LRP1B: variants seen among roughly 807,000 people sequenced by gnomAD.
LRP1B encodes the protein low-density lipoprotein receptor-related protein 1B.
Under a neutral mutation model 556.6 loss-of-function variants are expected in LRP1B, and 217 were observed. The observed-to-expected ratio is 0.39, with a 90% CI of 0.35 to 0.44. The LOEUF is 0.44. LRP1B is among the 20% of genes least tolerant of loss of function. The probability of loss-of-function intolerance (pLI) is 1.00; values close to 1 mark genes in which losing one functional copy is unlikely to be tolerated. For synonymous variants in LRP1B, 2,047 were observed against 1,865.8 expected (o/e 1.10, Z -2.50); for missense variants, 5,053 against 5,620.8 (o/e 0.90, Z 3.23).
chr2:141,495,459 G>C (rs1574012471), intron 2 of LRP1B, among the ~76,000 whole-genome samples: 1 of 152,216 alleles, frequency 6.6e-6, no homozygotes, highest in East Asian at 1.9e-4. Context: ...CTGGGCAACA[G>C]ACATGACCCA....
chr2:140,528,084 C>T (rs1477648672), intron 47 of LRP1B, among the ~76,000 whole-genome samples: 2 of 151,798 alleles, frequency 1.3e-5, no homozygotes, highest in Admixed American at 1.3e-4. Context: ...TCCAATCTCC[C>T]ATAGAGAATT....
Position 141,938,138 on chromosome 2 carries a change from G to A in LRP1B, c.83-127737C>T, listed in dbSNP as rs190517033. 3.8e-4 allele frequency among the ~76,000 whole-genome samples: 57 copies of A among 151,940 alleles called. No homozygotes were observed. The East Asian group carries it at 8.9e-3, about 24-fold the overall frequency. On this transcript the variant is annotated intron_variant, in intron 1 of 90. Transcript: ENST00000389484. ...AAATCAGAAAAATCTTCTGCCTACC[G>A]AAGGAAACAATCAAGAAAATAAAAA...
chr2:140,244,945 T>C (rs893460580), intron 87 of LRP1B, among the ~76,000 whole-genome samples: 2 of 151,304 alleles, frequency 1.3e-5, no homozygotes, highest in Non-Finnish European at 3.0e-5. Context: ...ATAAAAGTAA[T>C]CCTCTTTCAT....
intron 79 of LRP1B, among the ~76,000 whole-genome samples, chr2:140,332,831 TGCTACA>T (rs1266325671): frequency 2.0e-5 from 3 of 152,066 alleles, no homozygotes; most frequent in Admixed American, 2.0e-4. Context: ...CTAAGTACCG[TGCTACA>T]GGTAATTCCA....
At chr2:140,295,052 A>G (rs547785086) in intron 84 of LRP1B, among the ~76,000 whole-genome samples, 1 of 151,574 alleles carries the variant, frequency 6.6e-6, no homozygotes, top group South Asian at 2.1e-4. Context: ...AGTTTTTTGT[A>G]TTTTTAGTAG....
chr2:141,715,866 A>C (rs896895377), intron 2 of LRP1B, among the ~76,000 whole-genome samples: 2 of 152,124 alleles, frequency 1.3e-5, no homozygotes, highest in African/African-American at 4.8e-5. Flanking sequence ...TGCAGAAACA[A>C]ACAAAAACCT....
intron 35 of LRP1B, among the ~76,000 whole-genome samples, chr2:140,762,303 C>A (rs1243101345): frequency 6.6e-6 from 1 of 152,082 alleles, no homozygotes; most frequent in Admixed American, 6.6e-5. Context: ...CATCTCAAAG[C>A]AACCAAGTCT....
chr2:141,226,185 A>G (rs1318799855), intron 6 of LRP1B, among the ~76,000 whole-genome samples: 1 of 152,118 alleles, frequency 6.6e-6, no homozygotes, highest in African/African-American at 2.4e-5. Flanking sequence ...TATTCAATAA[A>G]GTTAAAATAT....
chr2:140,508,677 C>T (rs914448379), intron 52 of LRP1B, among the ~76,000 whole-genome samples: 4 of 152,088 alleles, frequency 2.6e-5, no homozygotes, highest in African/African-American at 7.2e-5. Context: ...ACACCAATTC[C>T]GATACATGGA....
intron 11 of LRP1B, among the ~76,000 whole-genome samples, chr2:141,032,217 C>G (rs184391250): frequency 1.3e-5 from 2 of 152,020 alleles, no homozygotes; most frequent in African/African-American, 4.8e-5. Flanking sequence ...TATAGCTCTA[C>G]CTCATTCATT....
intron 2 of LRP1B, among the ~76,000 whole-genome samples, chr2:141,571,501 C>CA (rs59191699): frequency 0.11 from 17,031 of 151,788 alleles, 1,494 homozygotes; most frequent in African/African-American, 0.23. Flanking sequence ...GCTGAAAACT[C>CA]AAAAAGCTAG....
intron 43 of LRP1B, among the ~76,000 whole-genome samples, chr2:140,579,166 C>T (rs758783336): frequency 1.3e-5 from 2 of 152,050 alleles, no homozygotes; most frequent in Non-Finnish European, 2.9e-5. Flanking sequence ...AACAAAATTT[C>T]CTTGGATTTC....
chr2:140,656,380 T>A (rs1447648013), intron 41 of LRP1B, among the ~76,000 whole-genome samples: 2 of 152,202 alleles, frequency 1.3e-5, no homozygotes, highest in African/African-American at 2.4e-5. Context: ...CAAAAAATCA[T>A]TGAGAAAATC....
chr2:141,081,039 C>G (rs548266458), intron 7 of LRP1B, among the ~76,000 whole-genome samples: 8 of 152,094 alleles, frequency 5.3e-5, no homozygotes, highest in Non-Finnish European at 1.2e-4. Flanking sequence ...TGCCATGTTT[C>G]CCAGGCCAGT....
chr2:140,549,517 T>A (rs537714090), intron 43 of LRP1B, among the ~76,000 whole-genome samples: 10 of 152,152 alleles, frequency 6.6e-5, no homozygotes, highest in Non-Finnish European at 1.3e-4. Context: ...AACTTTCTCA[T>A]TGTATCACTG....
At chr2:140,401,284 C>T (rs983007551) in intron 66 of LRP1B, among the ~76,000 whole-genome samples, 2 of 152,130 alleles carry the variant, frequency 1.3e-5, no homozygotes, top group African/African-American at 2.4e-5. Flanking sequence ...AGTTTGGGTT[C>T]TCAGTGCAGG....
intron 18 of LRP1B, among the ~76,000 whole-genome samples, chr2:140,961,805 T>C (rs1372080519): frequency 2.6e-5 from 4 of 152,144 alleles, no homozygotes; most frequent in Non-Finnish European, 4.4e-5. Flanking sequence ...ACTTAAATTA[T>C]GTTCTAGTCA....
chr2:140,658,932 T>A (rs2105335652), intron 41 of LRP1B, among the ~76,000 whole-genome samples: 1 of 152,004 alleles, frequency 6.6e-6, no homozygotes, highest in Non-Finnish European at 1.5e-5. Flanking sequence ...TCTAAATCAA[T>A]ATTCAGTGAG....
intron 63 of LRP1B, 42 bp from the exon 64 acceptor site, chr2:140,444,721 C>T (rs1256064564): frequency 5.2e-6 from 6 of 1,151,976 alleles, no homozygotes; most frequent in Middle Eastern, 1.9e-4. Context: ...GTAATCTTAC[C>T]TCACAACTTC....
Sources: allele counts gnomAD v4.1 joint callset (sites outside exome capture counted in the v4.1 genomes callset), GRCh38; gene constraint gnomAD v4.1.1; transcripts MANE v1.5; gene names NCBI Gene and HGNC (gene_info 2026-07-23, HGNC 2026-07-21).